The following ERBIN variants were observed in gnomAD, a reference collection of about 807,000 sequenced individuals.
ERBIN encodes erbb2 interacting protein.
A neutral mutation model predicts 158.4 loss-of-function variants in ERBIN; 60 were observed. The ratio of observed to expected loss-of-function variants is 0.38; its 90% CI spans 0.31 to 0.47. The LOEUF is 0.47. Ranked by LOEUF, ERBIN falls within the 20% of genes least tolerant of loss-of-function variation. ERBIN has a pLI of 0.99. For synonymous variants in ERBIN, 594 were observed against 557.2 expected (o/e 1.07, Z -0.93); for missense variants, 1,610 against 1,648.0 (o/e 0.98, Z 0.40).
At chr5:66,049,926 A>G (rs1193658948) in intron 19 of ERBIN, among the ~76,000 whole-genome samples, 1 of 152,136 alleles carries the variant, frequency 6.6e-6, no homozygotes, top group Non-Finnish European at 1.5e-5. Flanking sequence ...TACCATTCAT[A>G]AACAAGTTTA....
At chr5:65,951,714 T>C (rs888561653) in intron 1 of ERBIN, among the ~76,000 whole-genome samples, 1 of 152,226 alleles carries the variant, frequency 6.6e-6, no homozygotes, top group African/African-American at 2.4e-5. Flanking sequence ...CGTAAAGCTA[T>C]GTATAAAGTC....
intron 1 of ERBIN, among the ~76,000 whole-genome samples, chr5:65,964,741 CTT>C (rs70987103): frequency 5.9e-5 from 7 of 119,464 alleles, no homozygotes; most frequent in African/African-American, 1.3e-4. Flanking sequence ...CCAGAGCAAT[CTT>C]TTTTTTTTTT....
intron 17 of ERBIN, 102 bp downstream of exon 17, chr5:66,044,412 A>AC: frequency 9.5e-7 from 1 of 1,047,880 alleles, no homozygotes; most frequent in Non-Finnish European, 1.4e-6. Flanking sequence ...ATGTGCAGTC[A>AC]TGCACCACAG....
At chr5:66,073,831 A>G (rs1201601927) in intron 22 of ERBIN, among the ~76,000 whole-genome samples, 2 of 152,074 alleles carry the variant, frequency 1.3e-5, no homozygotes, top group Non-Finnish European at 2.9e-5. Flanking sequence ...ATATTTTTCT[A>G]CACAAAAATC....
chr5:65,995,373 AT>A (rs35797173), intron 4 of ERBIN, among the ~76,000 whole-genome samples: 6,092 of 144,530 alleles, frequency 0.042, 404 homozygotes, highest in African/African-American at 0.14. Flanking sequence ...CTTATGTGGT[AT>A]TTTTTTTTTT....
chr5:66,016,990 TAATG>T (rs1472745277), intron 7 of ERBIN, among the ~76,000 whole-genome samples: 1 of 152,162 alleles, frequency 6.6e-6, no homozygotes, highest in East Asian at 1.9e-4. Flanking sequence ...TTATTTCACT[TAATG>T]TAATGACCTC....
At chr5:65,992,608 T>A in intron 2 of ERBIN, 102 bp from the exon 3 acceptor site, 1 of 792,352 alleles carries the variant, frequency 1.3e-6, no homozygotes, top group Non-Finnish European at 1.9e-6. Context: ...GCAGGAGAAG[T>A]GTTTATCTGT....
intron 14 of ERBIN, among the ~76,000 whole-genome samples, chr5:66,035,700 T>A (rs564329279): frequency 1.3e-5 from 2 of 152,356 alleles, no homozygotes; most frequent in South Asian, 4.1e-4. Flanking sequence ...CTAATTTTTT[T>A]CGATTATATG....
rs745795967 is a variant in ERBIN, at chr5:65,994,848, G to A, written c.291G>A (p.Leu97=). The change falls in exon 4 of 26, where the codon CTG becomes CTA. Residue 97 remains leucine (L), a synonymous_variant. Transcript: ENST00000284037. ...CAAACCTTATTAATCTCAGGGAACT[G>A]GATGTCAGCAAGAATGGTAAGGCTT... The part of the protein sequence containing the change: ...SIANLINLRE[L]DVSKNGIQEF... 6.2e-7 allele frequency: 1 copy of A among 1,601,168 alleles called. No homozygotes were observed. The highest frequency in any genetic ancestry group is 1.1e-5 in the South Asian group (1 of 87,736).
At chr5:66,075,538 AT>A (rs908086482) in intron 23 of ERBIN, among the ~76,000 whole-genome samples, 3 of 152,174 alleles carry the variant, frequency 2.0e-5, no homozygotes, top group African/African-American at 7.2e-5. Context: ...TTAAGCTGAA[AT>A]TGTTCTGTGA....
At chr5:66,067,485 T>C (rs1456520198) in intron 21 of ERBIN, among the ~76,000 whole-genome samples, 1 of 152,146 alleles carries the variant, frequency 6.6e-6, no homozygotes, top group Non-Finnish European at 1.5e-5. Context: ...AGAACGGCAG[T>C]TCATAACACT....
At chr5:65,983,526 T>G (rs1159018979) in intron 1 of ERBIN, among the ~76,000 whole-genome samples, 1 of 152,220 alleles carries the variant, frequency 6.6e-6, no homozygotes, top group Non-Finnish European at 1.5e-5. Context: ...ATAAAATGAC[T>G]TGGAACTAAG....
chr5:65,956,704 T>G (rs1301530802), intron 1 of ERBIN, among the ~76,000 whole-genome samples: 2 of 151,950 alleles, frequency 1.3e-5, no homozygotes, highest in Non-Finnish European at 2.9e-5. Flanking sequence ...AAAAAGAAAT[T>G]TCAACCTTCA....
rs562007830 is a variant in ERBIN, at chr5:65,977,205, C to T, written c.-57-11430C>T. On this transcript the variant is annotated intron_variant, in intron 1 of 25. Transcript: ENST00000284037. The stretch of plus-strand genomic sequence containing the variant: ...TGGCCGGGCGGGGGGCTGACCCCCC[C>T]CCACCTCCCTCCCGGATGGGGCGGC... Among the ~76,000 whole-genome samples the T allele has an allele frequency of 3.9e-3, 565 of 145,944 alleles. 16 individuals are homozygous for T. The highest frequency in any genetic ancestry group is 0.036 in the Admixed American group (535 of 14,902).
chr5:66,040,622 C>T (rs753122775), intron 15 of ERBIN, among the ~76,000 whole-genome samples: 8 of 151,858 alleles, frequency 5.3e-5, no homozygotes, highest in Admixed American at 2.6e-4. Flanking sequence ...AATTTCCTTT[C>T]ACCTATAAGA....
At chr5:65,937,122 C>G (rs1327803054) in intron 1 of ERBIN, among the ~76,000 whole-genome samples, 2 of 152,060 alleles carry the variant, frequency 1.3e-5, no homozygotes, top group East Asian at 3.8e-4. Flanking sequence ...ATACAGTGTG[C>G]CTTTTGTGTT....
At chr5:65,980,427 C>G (rs1430899739) in intron 1 of ERBIN, among the ~76,000 whole-genome samples, 3 of 150,410 alleles carry the variant, frequency 2.0e-5, no homozygotes, top group Non-Finnish European at 4.4e-5. Context: ...GACTCCGTCT[C>G]AAAAAAAACA....
At chr5:65,941,533 C>A (rs532596307) in intron 1 of ERBIN, among the ~76,000 whole-genome samples, 2 of 151,982 alleles carry the variant, frequency 1.3e-5, no homozygotes, top group South Asian at 4.2e-4. Flanking sequence ...ACTAATCCCC[C>A]ATAGATACTG....
At chr5:65,927,860 C>T (rs763029563) in intron 1 of ERBIN, among the ~76,000 whole-genome samples, 1 of 152,126 alleles carries the variant, frequency 6.6e-6, no homozygotes, top group Non-Finnish European at 1.5e-5. Context: ...TAGCAGTAAA[C>T]CCAAAGTTTT....
Sources: gnomAD v4.1 joint callset for allele counts (sites outside exome capture counted in the v4.1 genomes callset) on GRCh38, gnomAD v4.1.1 for gene constraint, MANE v1.5 for transcripts, NCBI Gene and HGNC (gene_info 2026-07-23, HGNC 2026-07-21) for gene names.